Variants in TENM2 observed in about 807,000 individuals in gnomAD.
TENM2 encodes the protein teneurin transmembrane protein 2, also known as teneurin-2.
In TENM2, 52 loss-of-function variants were observed where a neutral mutation model predicts 245.2. The ratio of observed to expected loss-of-function variants is 0.21; its 90% confidence interval spans 0.17 to 0.27. The LOEUF is 0.27. TENM2 is among the 10% of genes least tolerant of loss of function. The pLI, the probability that TENM2 is intolerant of heterozygous loss-of-function variation, is 1.00. For synonymous variants in TENM2, 1,363 were observed against 1,438.9 expected (o/e 0.95, Z 1.19); for missense variants, 3,046 against 3,666.8 (o/e 0.83, Z 4.37).
chr5:168,158,806 A>T (rs560598688), intron 12 of TENM2, among the ~76,000 whole-genome samples: 25 of 86,188 alleles, frequency 2.9e-4, no homozygotes, highest in African/African-American at 1.4e-3. Context: ...CTAAAAAAAA[A>T]ATGTGTGTGT....
At chr5:167,151,738 T>G in the TENM2 span, among the ~76,000 whole-genome samples, 8 of 152,146 alleles carry the variant, frequency 5.3e-5, no homozygotes, top group Non-Finnish European at 1.0e-4. Context: ...ACGACGGTCT[T>G]GATCTCTTGA....
Position 167,561,108 on chromosome 5 carries a change from A to G in TENM2, c.502+185635A>G, listed in dbSNP as rs756336051. Among the ~76,000 whole-genome samples, 108 of 152,322 alleles carry G rather than the reference A, an allele frequency of 7.1e-4. 4 individuals are homozygous for G. Among genetic ancestry groups the G allele is most frequent in the Middle Eastern group, 6.8e-3 (2 of 294 alleles). On this transcript the variant is annotated intron_variant, in intron 2 of 28. Coordinates refer to ENST00000518659, the Ensembl canonical transcript of TENM2. ...TTCTTGAGGATTTAGGTACCTTGGT[A>G]TATTCATCCTCTCAAATATTAATGT...
At chr5:167,414,509 C>T (rs796636477) in intron 2 of TENM2, among the ~76,000 whole-genome samples, 57 of 152,050 alleles carry the variant, frequency 3.7e-4, no homozygotes, top group African/African-American at 1.3e-3. Context: ...AGCTAACACT[C>T]GGCAAGTGAT....
At chr5:167,018,866 A>G in the TENM2 span, among the ~76,000 whole-genome samples, 1 of 152,214 alleles carries the variant, frequency 6.6e-6, no homozygotes, top group Non-Finnish European at 1.5e-5. Context: ...TTCAATTCTC[A>G]CATTTGTAAA....
intron 2 of TENM2, among the ~76,000 whole-genome samples, chr5:167,847,557 T>C (rs1770162786): frequency 6.6e-6 from 1 of 152,232 alleles, no homozygotes; most frequent in African/African-American, 2.4e-5. Flanking sequence ...CACAAGACCC[T>C]GTCTGTCCAA....
At chr5:167,044,529 C>G in the TENM2 span, among the ~76,000 whole-genome samples, 3 of 152,048 alleles carry the variant, frequency 2.0e-5, no homozygotes, top group African/African-American at 7.2e-5. Context: ...ATCAGGGTGT[C>G]CAATGTTGTT....
intron 3 of TENM2, among the ~76,000 whole-genome samples, chr5:167,921,547 C>T (rs746129489): frequency 4.6e-5 from 7 of 152,104 alleles, no homozygotes; most frequent in Admixed American, 6.5e-5. Context: ...TCAGTCCCCG[C>T]GAGCTTTTGA....
intron 2 of TENM2, among the ~76,000 whole-genome samples, chr5:167,673,501 T>G (rs1756100880): frequency 6.6e-6 from 1 of 152,078 alleles, no homozygotes; most frequent in Non-Finnish European, 1.5e-5. Flanking sequence ...TCAACTAAGA[T>G]GCATAGAACA....
At chr5:167,904,535 G>T (rs939120565) in intron 3 of TENM2, among the ~76,000 whole-genome samples, 3 of 152,068 alleles carry the variant, frequency 2.0e-5, no homozygotes, top group Non-Finnish European at 2.9e-5. Context: ...CCTACCACAC[G>T]CTGGATACTG....
chr5:167,133,031 T>C, the TENM2 span, among the ~76,000 whole-genome samples: 4 of 152,066 alleles, frequency 2.6e-5, no homozygotes, highest in Non-Finnish European at 2.9e-5. Flanking sequence ...ACAGAGATAG[T>C]AAATCAGAGA....
chr5:167,963,330 A>G (rs1304024740), intron 4 of TENM2, among the ~76,000 whole-genome samples: 1 of 152,212 alleles, frequency 6.6e-6, no homozygotes, highest in African/African-American at 2.4e-5. Flanking sequence ...ATGCTAAAAT[A>G]TTGTGAGTTT....
intron 2 of TENM2, among the ~76,000 whole-genome samples, chr5:167,800,476 C>T (rs933738149): frequency 6.6e-6 from 1 of 152,200 alleles, no homozygotes; most frequent in African/African-American, 2.4e-5. Context: ...CACAGAGTTC[C>T]CTTTCAGCAT....
intron 2 of TENM2, among the ~76,000 whole-genome samples, chr5:167,546,710 G>A (rs971504224): frequency 6.6e-6 from 1 of 152,162 alleles, no homozygotes; most frequent in African/African-American, 2.4e-5. Flanking sequence ...GTTAAAAAGG[G>A]GAGGGGATGC....
chr5:167,992,340 G>A (rs1302310402), intron 4 of TENM2, among the ~76,000 whole-genome samples: 5 of 151,992 alleles, frequency 3.3e-5, no homozygotes, highest in South Asian at 2.1e-4. Flanking sequence ...AAATGAAATC[G>A]AGATATTAAA....
chr5:167,327,124 A>G (rs1261126396), intron 1 of TENM2, among the ~76,000 whole-genome samples: 2 of 152,174 alleles, frequency 1.3e-5, no homozygotes, highest in African/African-American at 2.4e-5. Context: ...TGCTGCACCC[A>G]TTAACTCGTC....
the TENM2 span, among the ~76,000 whole-genome samples, chr5:167,018,721 G>T: frequency 1.3e-5 from 2 of 151,912 alleles, no homozygotes; most frequent in Non-Finnish European, 2.9e-5. Context: ...GGCATGGAGG[G>T]TAAACAAAAG....
intron 2 of TENM2, among the ~76,000 whole-genome samples, chr5:167,766,024 AAC>A (rs1266027359): frequency 1.3e-5 from 2 of 152,194 alleles, no homozygotes; most frequent in African/African-American, 4.8e-5. Flanking sequence ...TATCCCTAGA[AAC>A]ACAGAGAGAG....
intron 2 of TENM2, among the ~76,000 whole-genome samples, chr5:167,612,856 A>T (rs535976686): frequency 2.0e-5 from 3 of 152,022 alleles, no homozygotes; most frequent in African/African-American, 7.2e-5. Context: ...CATTTGGAAA[A>T]TCTTCAAGAG....
chr5:167,873,830 T>G (rs78009001), intron 2 of TENM2, among the ~76,000 whole-genome samples: 2,371 of 152,276 alleles, frequency 0.016, 20 homozygotes, highest in Admixed American at 0.031. Flanking sequence ...CAAACAGCCA[T>G]GAATGAATGG....
Sources: allele counts gnomAD v4.1 joint callset (sites outside exome capture counted in the v4.1 genomes callset), GRCh38; gene constraint gnomAD v4.1.1; transcripts MANE v1.5; gene names NCBI Gene and HGNC (gene_info 2026-07-23, HGNC 2026-07-21).